Variants in ANKRD37 observed in about 807,000 individuals in gnomAD.
ANKRD37 encodes ankyrin repeat domain 37, also known as ankyrin repeat domain-containing protein 37.
Under a neutral mutation model 19.7 loss-of-function variants are expected in ANKRD37, and 17 were observed. That is an observed-to-expected ratio of 0.86 (90% CI 0.59 to 1.29). The LOEUF (loss-of-function observed/expected upper bound fraction) is 1.29, where lower values mean the gene tolerates loss of function less well. ANKRD37 is among the 50% of genes most tolerant of loss of function. The pLI is 0.00. For synonymous variants in ANKRD37, 79 were observed against 74.5 expected (o/e 1.06, Z -0.31); for missense variants, 207 against 190.4 (o/e 1.09, Z -0.51).
At position 185,399,455 on chromosome 4, in the gene ANKRD37, T is replaced by C. The variant is rs578222359; in HGVS notation, c.273-115T>C. The C allele has an allele frequency of 4.5e-6, 5 of 1,118,344 alleles. No individual in the cohort carries two copies. In the East Asian group the frequency reaches 1.3e-4, roughly 29 times the overall value. The allele number at this position is 1,118,344 out of a possible 1,614,324, so 69.3% of individuals were successfully genotyped here. The stretch of plus-strand genomic sequence containing the variant: ...AAATGCAATTTCCTTATGCATCCTT[T>C]ACCTCTTCTGTTCTGCAACCAACAT... On this transcript the variant is annotated intron_variant, in intron 3 of 4. Transcript: ENST00000335174.
Position 185,399,437 on chromosome 4 carries a change from AT to A in ANKRD37, c.273-130del, listed in dbSNP as rs1306570654. The stretch of plus-strand genomic sequence containing the variant: ...GGATACAATAGTGACCAAAAATGCA[AT>A]TTCCTTATGCATCCTTTACCTCTTC... On this transcript the variant is annotated intron_variant, in intron 3 of 4. Coordinates refer to ENST00000335174, the MANE Select transcript of ANKRD37 (RefSeq NM_181726.4). 7.5e-6 allele frequency: 7 copies of A among 930,108 alleles called. No individual in the cohort carries two copies. In the African/African-American group the frequency reaches 1.2e-4, roughly 16 times the overall value. 57.6% of individuals were successfully genotyped at this position (930,108 alleles called of 1,614,324 possible). A position where few individuals can be genotyped will look rare whatever the true frequency, so the allele number is the denominator to read the frequency against.
chr4:185,397,018 G>T, intron 1 of ANKRD37, 68 bp downstream of exon 1: 1 of 1,610,520 alleles, frequency 6.2e-7, no homozygotes. Context: ...TCGTCTTCTC[G>T]TTAATGCGGG....
At chr4:185,400,405 G>A (rs2095511893), downstream of ANKRD37, 12 of 1,612,464 alleles carry the variant, frequency 7.4e-6, no homozygotes, top group African/African-American at 2.7e-5. Flanking sequence ...AATCATATTT[G>A]GTCGCTGAGG....
chr4:185,398,004 CTG>C (rs1258357530), intron 2 of ANKRD37, among the ~76,000 whole-genome samples: 57 of 152,362 alleles, frequency 3.7e-4, no homozygotes, highest in African/African-American at 1.3e-3. Context: ...GTCGCCCAGA[CTG>C]GAGTGCAATG....
chr4:185,399,971 T>G, intron 4 of ANKRD37, 46 bp from the exon 5 acceptor site: 1 of 1,593,154 alleles, frequency 6.3e-7, no homozygotes, highest in Non-Finnish European at 8.5e-7. Flanking sequence ...GGGATAAAAC[T>G]CTTTTTAAAA....
chr4:185,398,876 C>T, intron 2 of ANKRD37, 61 bp from the exon 3 acceptor site: 2 of 1,219,730 alleles, frequency 1.6e-6, no homozygotes, highest in East Asian at 2.5e-5. Flanking sequence ...TTAAATGTCA[C>T]TCATCAACTT....
Position 185,397,227 on chromosome 4 carries a change from C to A in ANKRD37, c.105C>A (p.Val35=), listed in dbSNP as rs2126867725. 6.2e-7 allele frequency: 1 copy of A among 1,614,162 alleles called. No individual in the cohort carries two copies. Among genetic ancestry groups the A allele is most frequent in the African/African-American group, 1.3e-5 (1 of 75,074 alleles). Residue 35 remains valine (V), a synonymous_variant, in exon 2 of 5, where the codon GTC becomes GTA. Transcript: ENST00000335174. ...APPDPCKQSP[V]HLAAGSGLAC... ...CGGATCCCTGCAAGCAGTCGCCTGT[C>A]CACTTAGCCGCAGGAAGCGGCCTTG...
chr4:185,397,337 C>T (rs775308510), intron 2 of ANKRD37, 35 bp downstream of exon 2: 21 of 1,602,190 alleles, frequency 1.3e-5, no homozygotes, highest in Non-Finnish European at 1.7e-5. Context: ...ACAGCCGTCC[C>T]CTCCAACCCA....
rs202213765 is a variant in ANKRD37, at chr4:185,399,513, A to C, written c.273-57A>C. ...AGCCCAAAATTCCCTTGTAAGATAT[A>C]AAAAAAAAGACTTAAGTTCAATGTT... On this transcript the variant is annotated intron_variant, in intron 3 of 4. Coordinates refer to ENST00000335174, the MANE Select transcript of ANKRD37 (RefSeq NM_181726.4). 1.6e-3 allele frequency: 110 copies of C among 70,206 alleles called. No homozygotes were observed. In the East Asian group the frequency reaches 0.46, roughly 291 times the overall value. The allele number at this position is 70,206 out of a possible 1,614,324, so 4.3% of individuals were successfully genotyped here.
chr4:185,400,471 C>T (rs1398509736), downstream of ANKRD37: 4 of 1,613,180 alleles, frequency 2.5e-6, no homozygotes, highest in East Asian at 2.2e-5. Flanking sequence ...CTTCCATCCG[C>T]ACCAGCCCTG....
intron 2 of ANKRD37, among the ~76,000 whole-genome samples, chr4:185,398,078 C>T (rs575611344): frequency 2.4e-4 from 37 of 152,324 alleles, no homozygotes; most frequent in African/African-American, 8.7e-4. Flanking sequence ...CTGCCTCAGC[C>T]TCCCTAGTAG....
rs1235296880 is a variant in ANKRD37, at chr4:185,400,213, TTTAAG to T, written c.*200_*204del. The stretch of plus-strand genomic sequence containing the variant: ...TATGCTGGTTGTGTATGCTTTGTCT[TTTAAG>T]TTATTAAAGGAACGTCTAAAAAATA... On this transcript the variant is annotated 3_prime_UTR_variant, in exon 5 of 5. Transcript: ENST00000335174. 12 of 707,876 alleles carry T rather than the reference TTTAAG, an allele frequency of 1.7e-5. No homozygotes were observed. The highest frequency in any genetic ancestry group is 1.6e-4 in the African/African-American group (9 of 55,584). 43.8% of individuals were successfully genotyped at this position (707,876 alleles called of 1,614,324 possible). A position where few individuals can be genotyped will look rare whatever the true frequency, so the allele number is the denominator to read the frequency against.
rs768905843 is a variant in ANKRD37 at position 185,400,001 on chromosome 4, G to A, written c.*-16G>A. 15 of 1,601,740 alleles carry A rather than the reference G, an allele frequency of 9.4e-6. No homozygotes were observed. Among genetic ancestry groups the A allele is most frequent in the East Asian group, 4.5e-5 (2 of 44,822 alleles). On this transcript the variant is annotated splice_polypyrimidine_tract_variant and intron_variant, in intron 4 of 4. Transcript: ENST00000335174. Reference sequence around the variant, plus strand: ...TTAAAAAAAAGTTTTTAATGTTAACGTGTTTTTAAAAACAGATGTCACGTG... The same window carrying A: ...TTAAAAAAAAGTTTTTAATGTTAACATGTTTTTAAAAACAGATGTCACGTG...
In ANKRD37 at chr4:185,400,113, T is replaced by G; in HGVS notation, c.*96T>G. The G allele has an allele frequency of 6.6e-6, 8 of 1,208,646 alleles. No homozygotes were observed. The South Asian group carries it at 1.1e-4, about 16-fold the overall frequency. 74.9% of individuals were successfully genotyped at this position (1,208,646 alleles called of 1,614,324 possible). On this transcript the variant is annotated 3_prime_UTR_variant, in exon 5 of 5. Transcript: ENST00000335174. ...GCTTTACCATATGTTGTGTCTAATC[T>G]CCTTCTGAGAAGGACGAAAAACTTT...
chr4:185,399,513 A>T (rs202213765), intron 3 of ANKRD37, 57 bp from the exon 4 acceptor site: 6 of 70,206 alleles, frequency 8.5e-5, no homozygotes, highest in Non-Finnish European at 7.2e-5. Flanking sequence ...TGTAAGATAT[A>T]AAAAAAAAGA....
intron 3 of ANKRD37, among the ~76,000 whole-genome samples, chr4:185,399,282 C>T (rs1339254902): frequency 6.6e-6 from 1 of 152,130 alleles, no homozygotes; most frequent in Admixed American, 6.5e-5. Flanking sequence ...AGTTTCGGTT[C>T]AGGAAAACCC....
In ANKRD37 at chr4:185,400,205, C is replaced by CT. The variant is rs2095511645; in HGVS notation, c.*191dup. 7.1e-6 allele frequency: 5 copies of CT among 702,880 alleles called. No individual in the cohort carries two copies. In the South Asian group the frequency reaches 8.1e-5, roughly 11 times the overall value. The allele number at this position is 702,880 out of a possible 1,614,324, so 43.5% of individuals were successfully genotyped here. The stretch of plus-strand genomic sequence containing the variant: ...GCCTATAATATGCTGGTTGTGTATG[C>CT]TTTGTCTTTTAAGTTATTAAAGGAA... On this transcript the variant is annotated 3_prime_UTR_variant, in exon 5 of 5. Coordinates refer to ENST00000335174, the MANE Select transcript of ANKRD37 (RefSeq NM_181726.4).
rs761152223 is a variant in ANKRD37, at chr4:185,399,598, G to T, written c.301G>T (p.Glu101Ter). Residue 101 changes from glutamate (E) to a stop codon, truncating the protein, a stop_gained, in exon 4 of 5, where the codon GAA (glutamate) becomes TAA (stop). Coordinates refer to ENST00000335174, the MANE Select transcript of ANKRD37 (RefSeq NM_181726.4). LOFTEE classifies it high-confidence loss of function. ...ATGTAATAAGAACGGGCAAACAGCT[G>T]AAGATCTCGCTTGGTCATGTGGATT... ...DLCNKNGQTA[E>*]DLAWSCGFPD... 1.2e-6 allele frequency: 2 copies of T among 1,614,208 alleles called. No homozygotes were observed. The highest frequency in any genetic ancestry group is 1.7e-6 in the Non-Finnish European group (2 of 1,180,032).
In ANKRD37 at chr4:185,399,762, A is replaced by C. The variant is rs534567513; in HGVS notation, c.465A>C (p.Lys155Asn). Residue 155 changes from lysine to asparagine, a missense_variant, in exon 4 of 5, where the codon AAA (lysine) becomes AAC (asparagine). Physicochemically the swap from Lys to Asn is moderately conservative, Grantham distance 94. Transcript: ENST00000335174. ...SLGSVENTSG[K>N]RKC ...GAAGTGTAGAAAATACCAGTGGGAA[A>C]AGGAAGTGCTGGTAAGTAACTCAGA... The C allele has an allele frequency of 1.2e-6, 2 of 1,614,096 alleles. No individual in the cohort carries two copies. The highest frequency in any genetic ancestry group is 3.3e-5 in the Admixed American group (2 of 60,018).
Sources: gnomAD v4.1 joint callset for allele counts (sites outside exome capture counted in the v4.1 genomes callset) on GRCh38, gnomAD v4.1.1 for gene constraint, MANE v1.5 for transcripts, NCBI Gene and HGNC (gene_info 2026-07-23, HGNC 2026-07-21) for gene names.